The following DPYD variants were observed in gnomAD, a reference collection of about 807,000 sequenced individuals.
The protein encoded by DPYD is dihydropyrimidine dehydrogenase [NADP(+)].
A neutral mutation model predicts 116.2 loss-of-function variants in DPYD; 109 were observed. That is an observed-to-expected ratio of 0.94 (90% CI 0.80 to 1.10). DPYD has a LOEUF of 1.10. Ranked by LOEUF, DPYD falls within the 50% of genes least tolerant of loss-of-function variation. The pLI is 0.00. For synonymous variants in DPYD, 440 were observed against 432.0 expected, an observed-to-expected ratio of 1.02 and a Z score of -0.23; for missense variants, 1,302 against 1,254.5, an observed-to-expected ratio of 1.04 and a Z score of -0.57.
intron 3 of DPYD, among the ~76,000 whole-genome samples, chr1:97,799,534 T>C (rs1667748924): frequency 6.6e-6 from 1 of 151,968 alleles, no homozygotes; most frequent in African/African-American, 2.4e-5. Context: ...AATTATGTGA[T>C]CTATCATAAC....
At chr1:97,210,888 T>C (rs1659990843) in intron 19 of DPYD, among the ~76,000 whole-genome samples, 1 of 152,166 alleles carries the variant, frequency 6.6e-6, no homozygotes, top group Non-Finnish European at 1.5e-5. Context: ...GCAAATCTTG[T>C]AGCACTACTT....
intron 20 of DPYD, among the ~76,000 whole-genome samples, chr1:97,101,469 C>CAAA (rs59063384): frequency 1.1e-5 from 1 of 91,088 alleles, no homozygotes; most frequent in African/African-American, 4.1e-5. Flanking sequence ...TTTGATCTTG[C>CAAA]AAAAAAAAAA....
intron 20 of DPYD, among the ~76,000 whole-genome samples, chr1:97,139,515 A>G (rs1461177549): frequency 6.6e-6 from 1 of 152,196 alleles, no homozygotes; most frequent in Non-Finnish European, 1.5e-5. Flanking sequence ...CTATTCATGG[A>G]TTTAAAAAAT....
intron 3 of DPYD, among the ~76,000 whole-genome samples, chr1:97,754,898 G>A (rs1198882735): frequency 2.0e-5 from 3 of 152,154 alleles, no homozygotes; most frequent in African/African-American, 7.2e-5. Flanking sequence ...ACACAATGAC[G>A]GTTCAATGTT....
At chr1:97,579,279 T>C (rs1159475709) in intron 10 of DPYD, among the ~76,000 whole-genome samples, 1 of 152,192 alleles carries the variant, frequency 6.6e-6, no homozygotes, top group Non-Finnish European at 1.5e-5. Flanking sequence ...GAATACAGTT[T>C]TGTTTAGTAG....
intron 7 of DPYD, among the ~76,000 whole-genome samples, chr1:97,687,672 C>A (rs951370036): frequency 6.6e-6 from 1 of 152,118 alleles, no homozygotes; most frequent in Non-Finnish European, 1.5e-5. Flanking sequence ...AAGATACATG[C>A]AGGTGTATGT....
chr1:97,352,619 T>C (rs1435247955), intron 16 of DPYD, among the ~76,000 whole-genome samples: 1 of 150,344 alleles, frequency 6.7e-6, no homozygotes, highest in Admixed American at 6.6e-5. Flanking sequence ...AGGGAAGAAA[T>C]AGGTCTACAC....
chr1:97,236,412 A>G (rs1001935897), intron 18 of DPYD, among the ~76,000 whole-genome samples: 120 of 152,072 alleles, frequency 7.9e-4, no homozygotes, highest in African/African-American at 2.9e-3. Context: ...AAAAAATAAA[A>G]TAAAATAATT....
chr1:97,737,024 T>C (rs753058731), intron 4 of DPYD, among the ~76,000 whole-genome samples: 4 of 152,090 alleles, frequency 2.6e-5, no homozygotes, highest in Non-Finnish European at 5.9e-5. Flanking sequence ...TCCTCACCTA[T>C]TTTTGCCCAA....
At chr1:97,167,120 T>A (rs1050609704) in intron 20 of DPYD, among the ~76,000 whole-genome samples, 25 of 152,170 alleles carry the variant, frequency 1.6e-4, no homozygotes, top group African/African-American at 5.8e-4. Flanking sequence ...TCAGTTTTCC[T>A]GGTGGGAAAT....
intron 16 of DPYD, among the ~76,000 whole-genome samples, chr1:97,315,356 G>A (rs574952663): frequency 6.6e-6 from 1 of 151,952 alleles, no homozygotes; most frequent in East Asian, 2.0e-4. Context: ...TCCGGTGAAT[G>A]TGGGACTCCT....
chr1:97,479,535 G>C (rs1678181643), intron 13 of DPYD, among the ~76,000 whole-genome samples: 1 of 152,148 alleles, frequency 6.6e-6, no homozygotes, highest in Non-Finnish European at 1.5e-5. Context: ...TGGTGTAACA[G>C]ATGACCCTAA....
intron 8 of DPYD, among the ~76,000 whole-genome samples, chr1:97,623,562 T>C (rs1656750881): frequency 6.6e-6 from 1 of 151,916 alleles, no homozygotes; most frequent in Admixed American, 6.6e-5. Flanking sequence ...ACAAAAGGAA[T>C]CTACAGGTTC....
chr1:97,717,332 A>G lies in DPYD; in HGVS notation c.483+4178T>C, dbSNP rs201808185. Among the ~76,000 whole-genome samples the G allele has an allele frequency of 9.9e-5, 15 of 152,236 alleles. No homozygotes were observed. In the East Asian group the frequency reaches 2.7e-3, roughly 27 times the overall value. On this transcript the variant is annotated intron_variant, in intron 5 of 22. Transcript: ENST00000370192. ...AATAAAAAAAATGTTTAAAAACATA[A>G]AAAAGGAAAATCTACAGATACCTCT...
intron 13 of DPYD, among the ~76,000 whole-genome samples, chr1:97,493,762 T>G (rs1345664959): frequency 6.6e-6 from 1 of 152,136 alleles, no homozygotes; most frequent in Non-Finnish European, 1.5e-5. Context: ...TTTTAACAAG[T>G]TTCTCATTTC....
At chr1:97,098,106 T>C (rs1650396800) in intron 21 of DPYD, among the ~76,000 whole-genome samples, 1 of 152,122 alleles carries the variant, frequency 6.6e-6, no homozygotes, top group Admixed American at 6.6e-5. Context: ...ATCACATTGA[T>C]ATTGATGTGC....
chr1:97,610,609 G>T (rs538673989), intron 8 of DPYD, among the ~76,000 whole-genome samples: 1 of 152,024 alleles, frequency 6.6e-6, no homozygotes, highest in Non-Finnish European at 1.5e-5. Context: ...GTACGCGATG[G>T]GTTAAAAAGC....
At chr1:97,439,904 C>T (rs1490811072) in intron 14 of DPYD, among the ~76,000 whole-genome samples, 1 of 151,960 alleles carries the variant, frequency 6.6e-6, no homozygotes. Context: ...TATTGACATT[C>T]TGTATTTTCA....
intron 3 of DPYD, among the ~76,000 whole-genome samples, chr1:97,780,779 G>A (rs1338725770): frequency 2.0e-5 from 3 of 152,132 alleles, no homozygotes; most frequent in African/African-American, 7.2e-5. Flanking sequence ...TGTATTGCAT[G>A]GATCTCTGGG....
Sources: gnomAD v4.1 joint callset for allele counts (sites outside exome capture counted in the v4.1 genomes callset) on GRCh38, gnomAD v4.1.1 for gene constraint, MANE v1.5 for transcripts, NCBI Gene and HGNC (gene_info 2026-07-23, HGNC 2026-07-21) for gene names.